Variants in LRMDA observed in about 807,000 individuals in gnomAD.
LRMDA encodes the protein leucine rich melanocyte differentiation associated.
A neutral mutation model predicts 29.8 loss-of-function variants in LRMDA; 18 were observed. The ratio of observed to expected loss-of-function variants is 0.60; its 90% CI spans 0.42 to 0.90. The LOEUF (loss-of-function observed/expected upper bound fraction) is 0.90. Among genes scored for constraint, LRMDA ranks in the 40% least tolerant of loss-of-function variants. The pLI, the probability that LRMDA is intolerant of heterozygous loss-of-function variation, is 0.00. For missense variants in LRMDA, 273 were observed against 273.9 expected (o/e 1.00, Z 0.02); for synonymous variants, 125 against 109.4 (o/e 1.14, Z -0.89).
intron 2 of LRMDA, chr10:75,742,969 A>C (rs1381335537): frequency 6.6e-6 from 1 of 152,128 alleles, no homozygotes; most frequent in Non-Finnish European, 1.5e-5. Flanking sequence ...TGACATTTGG[A>C]GTGGGGTCTT....
At chr10:76,114,048 A>G (rs559145506) in intron 5 of LRMDA, among the ~76,000 whole-genome samples, 86 of 152,288 alleles carry the variant, frequency 5.6e-4, no homozygotes, top group African/African-American at 1.9e-3. Flanking sequence ...AAGAAAAAGT[A>G]TATTGTTTCC....
At chr10:76,168,126 T>G (rs866299971) in intron 5 of LRMDA, among the ~76,000 whole-genome samples, 33 of 152,222 alleles carry the variant, frequency 2.2e-4, no homozygotes, top group African/African-American at 8.0e-4. Context: ...AAATTATACA[T>G]TAAGCCCTGA....
chr10:75,474,089 C>A (rs1844760287), intron 2 of LRMDA, among the ~76,000 whole-genome samples: 1 of 152,196 alleles, frequency 6.6e-6, no homozygotes, highest in African/African-American at 2.4e-5. Context: ...CATGCAGTTG[C>A]ATACACTGTT....
At chr10:76,031,662 C>T (rs567531155) in intron 2 of LRMDA, among the ~76,000 whole-genome samples, 2 of 152,212 alleles carry the variant, frequency 1.3e-5, no homozygotes, top group East Asian at 3.9e-4. Flanking sequence ...GGGGGCCTAG[C>T]CAGGGTAGTA....
chr10:75,902,513 GCT>G (rs1845692635), intron 2 of LRMDA, among the ~76,000 whole-genome samples: 1 of 61,478 alleles, frequency 1.6e-5, no homozygotes, highest in South Asian at 5.6e-4. Context: ...GGTATCTAGA[GCT>G]CTCTCACTAA....
chr10:75,708,904 C>T (rs1201260957), intron 2 of LRMDA, among the ~76,000 whole-genome samples: 2 of 152,250 alleles, frequency 1.3e-5, no homozygotes, highest in South Asian at 4.2e-4. Flanking sequence ...GAAGAATTTT[C>T]GTGCTTTTGC....
intron 2 of LRMDA, among the ~76,000 whole-genome samples, chr10:75,469,952 C>T (rs1347023239): frequency 6.6e-6 from 1 of 151,930 alleles, no homozygotes; most frequent in Non-Finnish European, 1.5e-5. Context: ...GGGCACTAAC[C>T]CTGAATCAGC....
At chr10:76,285,131 A>G (rs1840255793) in intron 5 of LRMDA, among the ~76,000 whole-genome samples, 3 of 152,294 alleles carry the variant, frequency 2.0e-5, no homozygotes, top group South Asian at 2.1e-4. Context: ...CTAGTATGGT[A>G]TATGGTATGC....
intron 2 of LRMDA, chr10:75,552,433 C>T (rs761172411): frequency 2.4e-5 from 7 of 289,814 alleles, no homozygotes; most frequent in African/African-American, 7.0e-5. Context: ...TTTCCCCCCC[C>T]TCTGGCTGCT....
At chr10:75,990,317 A>G (rs1161465109) in intron 2 of LRMDA, among the ~76,000 whole-genome samples, 1 of 152,196 alleles carries the variant, frequency 6.6e-6, no homozygotes, top group African/African-American at 2.4e-5. Flanking sequence ...GGTGGACAGA[A>G]AAAAATGGGC....
rs1394649703 is a variant in LRMDA at position 76,557,344 on chromosome 10, C to G, written c.*56C>G. 4 of 1,408,100 alleles carry G rather than the reference C, an allele frequency of 2.8e-6. No homozygotes were observed. The highest frequency in any genetic ancestry group is 4.0e-6 in the Non-Finnish European group (4 of 999,402). The allele number at this position is 1,408,100 out of a possible 1,614,324, so 87.2% of individuals were successfully genotyped here. A position where few individuals can be genotyped will look rare whatever the true frequency, so the allele number is the denominator to read the frequency against. ...ATGAAAATAAAATCAAAAGGGAAAT[C>G]AAAAATAAAGAAAACGCTAAAGAAA... On this transcript the variant is annotated 3_prime_UTR_variant, in exon 7 of 7. Coordinates refer to ENST00000611255, the MANE Select transcript of LRMDA (RefSeq NM_001305581.2).
chr10:75,592,198 G>C (rs1322755717), intron 2 of LRMDA, among the ~76,000 whole-genome samples: 1 of 152,150 alleles, frequency 6.6e-6, no homozygotes, highest in Non-Finnish European at 1.5e-5. Flanking sequence ...AGTGGTGAGA[G>C]CCGGGGCCTG....
intron 6 of LRMDA, among the ~76,000 whole-genome samples, chr10:76,472,387 T>C (rs1215103153): frequency 1.3e-5 from 2 of 151,474 alleles, no homozygotes; most frequent in African/African-American, 4.8e-5. Context: ...ATACCAAAAG[T>C]TACAGGGTGC....
At chr10:76,208,324 C>T in intron 5 of LRMDA, among the ~76,000 whole-genome samples, 1 of 152,286 alleles carries the variant, frequency 6.6e-6, no homozygotes, top group South Asian at 2.1e-4. Flanking sequence ...CTAAAGTAGC[C>T]TGTGCTCAGT....
intron 4 of LRMDA, 59 bp from the exon 5 acceptor site, chr10:76,058,607 C>T (rs947933792): frequency 8.1e-6 from 11 of 1,357,114 alleles, no homozygotes; most frequent in South Asian, 4.7e-5. Context: ...GACAAGCTGT[C>T]GGGATCTCTG....
chr10:75,940,249 G>T (rs962025045), intron 2 of LRMDA, among the ~76,000 whole-genome samples: 1 of 152,138 alleles, frequency 6.6e-6, no homozygotes, highest in Non-Finnish European at 1.5e-5. Flanking sequence ...CATTATTGGG[G>T]CAGTAAGCGG....
At position 76,194,192 on chromosome 10, in the gene LRMDA, T is replaced by C. The variant is rs182698050; in HGVS notation, c.517-130209T>C. 9.2e-5 allele frequency among the ~76,000 whole-genome samples: 14 copies of C among 152,300 alleles called. No homozygotes were observed. In the East Asian group the frequency reaches 2.7e-3, roughly 29 times the overall value. On this transcript the variant is annotated intron_variant, in intron 5 of 6. Coordinates refer to ENST00000611255, the MANE Select transcript of LRMDA (RefSeq NM_001305581.2). ...GCAGAAGTGCTTAGATTTGGCCTGT[T>C]TGTAGTAGGGGAACCACTGAGTTAT... is the stretch of plus-strand genomic sequence containing the variant.
intron 4 of LRMDA, among the ~76,000 whole-genome samples, chr10:76,058,221 A>T (rs978260862): frequency 1.3e-5 from 2 of 152,262 alleles, no homozygotes; most frequent in Non-Finnish European, 2.9e-5. Flanking sequence ...TGTAACCCAC[A>T]GTCATCCAGG....
At chr10:76,539,877 A>T (rs753597407) in intron 6 of LRMDA, among the ~76,000 whole-genome samples, 11 of 152,154 alleles carry the variant, frequency 7.2e-5, no homozygotes, top group Non-Finnish European at 1.5e-4. Flanking sequence ...AAAACACATT[A>T]AAAATTATGT....
Sources: allele counts gnomAD v4.1 joint callset (sites outside exome capture counted in the v4.1 genomes callset), GRCh38; gene constraint gnomAD v4.1.1; transcripts MANE v1.5; gene names NCBI Gene and HGNC (gene_info 2026-07-23, HGNC 2026-07-21).